The following EPHA6 variants were observed in gnomAD, a reference collection of about 807,000 sequenced individuals.
The protein encoded by EPHA6 is ephrin type-A receptor 6.
In EPHA6, 50 loss-of-function variants were observed where a neutral mutation model predicts 112.0. That is an observed-to-expected ratio of 0.45 (90% CI 0.36 to 0.56). The LOEUF is 0.56. Among genes scored for constraint, EPHA6 ranks in the 20% least tolerant of loss-of-function variants. EPHA6 has a pLI of 0.00. For missense variants in EPHA6, 1,280 were observed against 1,417.4 expected (o/e 0.90, Z 1.56); for synonymous variants, 529 against 490.7 (o/e 1.08, Z -1.03).
chr3:97,006,597 C>CT (rs1437517636), intron 3 of EPHA6, among the ~76,000 whole-genome samples: 1 of 151,940 alleles, frequency 6.6e-6, no homozygotes, highest in East Asian at 1.9e-4. Context: ...GTTCTTGTCT[C>CT]TATCTCTTTC....
chr3:97,374,087 G>A (rs555741729), intron 5 of EPHA6, among the ~76,000 whole-genome samples: 43 of 151,994 alleles, frequency 2.8e-4, no homozygotes, highest in Non-Finnish European at 2.2e-4. Context: ...GTTTCTATCA[G>A]TACTTCCTAT....
At chr3:96,911,203 C>T (rs1460261653) in intron 2 of EPHA6, among the ~76,000 whole-genome samples, 1 of 151,858 alleles carries the variant, frequency 6.6e-6, no homozygotes, top group Admixed American at 6.6e-5. Flanking sequence ...ATATTATCAT[C>T]AGAAAAATTA....
chr3:97,187,238 AG>A (rs1321111728), intron 3 of EPHA6, among the ~76,000 whole-genome samples: 2 of 152,128 alleles, frequency 1.3e-5, no homozygotes, highest in Admixed American at 6.6e-5. Flanking sequence ...AAAGAAAAAT[AG>A]AAAAATTAGA....
At chr3:96,877,903 A>ATG (rs1197369164) in intron 2 of EPHA6, among the ~76,000 whole-genome samples, 2 of 141,600 alleles carry the variant, frequency 1.4e-5, no homozygotes, top group Admixed American at 7.2e-5. Context: ...TGTATATAGT[A>ATG]TGTGTGTGTG....
At chr3:97,646,022 A>C in intron 14 of EPHA6, 1 of 874,108 alleles carries the variant, frequency 1.1e-6, no homozygotes, top group Non-Finnish European at 1.6e-6. Context: ...CAAGAAAAAA[A>C]TATCTTTAGA....
intron 5 of EPHA6, among the ~76,000 whole-genome samples, chr3:97,260,079 G>A (rs11917661): frequency 0.021 from 3,232 of 152,286 alleles, 119 homozygotes; most frequent in African/African-American, 0.067. Context: ...GGGATTACAG[G>A]CATGAGCCAC....
At chr3:97,377,042 T>C (rs530399049) in intron 5 of EPHA6, among the ~76,000 whole-genome samples, 1 of 152,310 alleles carries the variant, frequency 6.6e-6, no homozygotes, top group African/African-American at 2.4e-5. Flanking sequence ...CTGCACTGTG[T>C]AATGCTAAAT....
At chr3:97,392,167 T>C (rs1467546400) in intron 5 of EPHA6, among the ~76,000 whole-genome samples, 1 of 151,886 alleles carries the variant, frequency 6.6e-6, no homozygotes, top group South Asian at 2.1e-4. Flanking sequence ...TATTAACATT[T>C]TGAATTATAT....
At chr3:97,011,760 A>G (rs1161443605) in intron 3 of EPHA6, among the ~76,000 whole-genome samples, 4 of 152,198 alleles carry the variant, frequency 2.6e-5, no homozygotes, top group Non-Finnish European at 2.9e-5. Context: ...GGTAGTGAGC[A>G]TAATACTCAA....
intron 7 of EPHA6, among the ~76,000 whole-genome samples, chr3:97,466,873 G>A (rs1278709866): frequency 6.6e-6 from 1 of 151,888 alleles, no homozygotes; most frequent in Non-Finnish European, 1.5e-5. Context: ...TACCTTCGTA[G>A]TATTTGTGAT....
intron 4 of EPHA6, among the ~76,000 whole-genome samples, chr3:97,238,839 G>A (rs1480256186): frequency 2.0e-5 from 3 of 151,896 alleles, no homozygotes. Flanking sequence ...GGGAGCTAGA[G>A]GCTAAAGAAT....
In EPHA6 at chr3:97,564,097, TA is replaced by T. The variant is rs147203084; in HGVS notation, c.2387-28514del. Among the ~76,000 whole-genome samples the T allele has an allele frequency of 5.0e-3, 754 of 152,188 alleles. 6 individuals are homozygous for T. Among genetic ancestry groups the T allele is most frequent in the African/African-American group, 0.017 (718 of 41,556 alleles). The stretch of plus-strand genomic sequence containing the variant: ...TGAATATGAAAAGCGTTAAGTTAAT[TA>T]GGGGGAAAACTAAAAATAATTAATA... On this transcript the variant is annotated intron_variant, in intron 11 of 17. Coordinates refer to ENST00000389672, the MANE Select transcript of EPHA6 (RefSeq NM_001080448.3).
At chr3:97,622,537 G>A (rs116267934) in intron 13 of EPHA6, among the ~76,000 whole-genome samples, 98 of 151,852 alleles carry the variant, frequency 6.5e-4, no homozygotes, top group South Asian at 1.2e-3. Context: ...TAGCTATTGC[G>A]AAGAATGCTA....
At chr3:97,602,624 C>A (rs1560180645) in intron 12 of EPHA6, among the ~76,000 whole-genome samples, 1 of 152,022 alleles carries the variant, frequency 6.6e-6, no homozygotes, top group Non-Finnish European at 1.5e-5. Context: ...GTAACCTTAC[C>A]TGTTAAATTG....
chr3:97,095,825 A>G (rs2047219908), intron 3 of EPHA6, among the ~76,000 whole-genome samples: 1 of 152,032 alleles, frequency 6.6e-6, no homozygotes, highest in South Asian at 2.1e-4. Flanking sequence ...GGAGTTTTAG[A>G]TCAGTAAGTC....
chr3:97,214,459 CAACAAG>C (rs2077974560), intron 3 of EPHA6, among the ~76,000 whole-genome samples: 1 of 115,506 alleles, frequency 8.7e-6, no homozygotes. Context: ...CCAGCCTAGG[CAACAAG>C]AGCGAAACTT....
chr3:97,636,497 T>G (rs771051250), intron 13 of EPHA6, among the ~76,000 whole-genome samples: 11 of 152,124 alleles, frequency 7.2e-5, no homozygotes, highest in Non-Finnish European at 1.6e-4. Flanking sequence ...ATTCTTGCTC[T>G]AAGAGTGTTT....
chr3:97,061,494 T>A (rs779305859), intron 3 of EPHA6, among the ~76,000 whole-genome samples: 1 of 152,218 alleles, frequency 6.6e-6, no homozygotes, highest in African/African-American at 2.4e-5. Flanking sequence ...ATTGCAAGGA[T>A]CAGCCCTGTA....
intron 14 of EPHA6, among the ~76,000 whole-genome samples, chr3:97,699,391 A>G (rs891375476): frequency 6.6e-6 from 1 of 152,248 alleles, no homozygotes; most frequent in African/African-American, 2.4e-5. Flanking sequence ...CACTGTTGCA[A>G]GCACTTTGGG....
Sources: allele counts gnomAD v4.1 joint callset (sites outside exome capture counted in the v4.1 genomes callset), GRCh38; gene constraint gnomAD v4.1.1; transcripts MANE v1.5; gene names NCBI Gene and HGNC (gene_info 2026-07-23, HGNC 2026-07-21).